Variants in REEP1 observed in about 807,000 individuals in gnomAD.
REEP1 encodes the protein receptor expression-enhancing protein 1.
REEP1 carries 22 observed loss-of-function variants against 40.3 expected under a neutral mutation model. The ratio of observed to expected loss-of-function variants is 0.55; its 90% CI spans 0.39 to 0.78. The LOEUF (loss-of-function observed/expected upper bound fraction) is 0.78, where lower values mean the gene tolerates loss of function less well. Among genes scored for constraint, REEP1 ranks in the 30% least tolerant of loss-of-function variants. REEP1 has a pLI of 0.00. For synonymous variants in REEP1, 116 were observed against 139.2 expected (o/e 0.83, Z 1.17); for missense variants, 280 against 361.1 (o/e 0.78, Z 1.82).
chr2:86,318,238 C>T (rs1307679673), intron 1 of REEP1, among the ~76,000 whole-genome samples: 1 of 152,060 alleles, frequency 6.6e-6, no homozygotes, highest in African/African-American at 2.4e-5. Flanking sequence ...CAGAAAAGAT[C>T]CACTCAAACT....
At chr2:86,234,096 G>A (rs1047027816) in intron 5 of REEP1, among the ~76,000 whole-genome samples, 2 of 151,872 alleles carry the variant, frequency 1.3e-5, no homozygotes, top group Non-Finnish European at 2.9e-5. Context: ...AAAAAATAAT[G>A]AAAATGAACC....
intron 2 of REEP1, among the ~76,000 whole-genome samples, chr2:86,266,030 G>A (rs1267764763): frequency 6.6e-6 from 1 of 152,188 alleles, no homozygotes; most frequent in Non-Finnish European, 1.5e-5. Context: ...CTACACGTGA[G>A]GGAATAGGAA....
intron 6 of REEP1, among the ~76,000 whole-genome samples, chr2:86,229,450 A>G (rs1016503937): frequency 6.6e-6 from 1 of 151,910 alleles, no homozygotes; most frequent in Non-Finnish European, 1.5e-5. Context: ...AGCTGGGGAG[A>G]GTACACCAGC....
rs754038924 is a variant in REEP1, at chr2:86,282,252, A to G, written c.33-10T>C. 1.3e-6 allele frequency: 2 copies of G among 1,582,870 alleles called. 1 individual carries two copies. The highest frequency in any genetic ancestry group is 2.2e-5 in the South Asian group (2 of 90,448). ...GGTGCCAAATATAAGCCTGGAGGGA[A>G]GAGAGACAAAAATAAATACGATTTT... On this transcript the variant is annotated splice_polypyrimidine_tract_variant and intron_variant, in intron 1 of 8. Transcript: ENST00000538924.
chr2:86,311,467 C>T (rs1480247676), intron 1 of REEP1, among the ~76,000 whole-genome samples: 4 of 152,166 alleles, frequency 2.6e-5, no homozygotes, highest in Admixed American at 6.5e-5. Flanking sequence ...ATGAGGGCCA[C>T]GTTCCCTCTG....
intron 5 of REEP1, 184 bp downstream of exon 5, chr2:86,251,773 T>TG (rs1247209536): frequency 6.0e-6 from 4 of 662,490 alleles, no homozygotes; most frequent in African/African-American, 3.6e-5. Flanking sequence ...GCATGTGTGT[T>TG]GGGGGGTGAG....
chr2:86,219,875 G>T, intron 8 of REEP1, 95 bp downstream of exon 8: 3 of 973,448 alleles, frequency 3.1e-6, no homozygotes, highest in Non-Finnish European at 4.0e-6. Context: ...AGGAGATGTT[G>T]GTGCCCCAAG....
At position 86,323,111 on chromosome 2, in the gene REEP1, G is replaced by T. The variant is rs546688458; in HGVS notation, c.32+14368C>A. 3.3e-5 allele frequency among the ~76,000 whole-genome samples: 5 copies of T among 152,110 alleles called. No homozygotes were observed. The South Asian group carries it at 6.2e-4, about 19-fold the overall frequency. ...TACTTGGGAGGCTGAGCCAGGGCAGGAGAACCTCTTGCACCCAGGAGGTCA... is the reference window on the plus strand; with the variant it reads ...TACTTGGGAGGCTGAGCCAGGGCAGTAGAACCTCTTGCACCCAGGAGGTCA... On this transcript the variant is annotated intron_variant, in intron 1 of 8. Coordinates refer to ENST00000538924, the MANE Select transcript of REEP1 (RefSeq NM_001371279.1).
In REEP1 at chr2:86,337,331, C is replaced by T; in HGVS notation, c.32+148G>A. ...CGCCGCCCGTCCGCCCGCAGGCGTC[C>T]TCGGCGGCTACTGTACCTGCTAAAT... On this transcript the variant is annotated intron_variant, in intron 1 of 8. Coordinates refer to ENST00000538924, the MANE Select transcript of REEP1 (RefSeq NM_001371279.1). The surrounding 1 kb of genome is among the most constrained non-coding windows in gnomAD (Gnocchi z 5.8). 9.1e-6 allele frequency: 4 copies of T among 441,822 alleles called. No homozygotes were observed. Among genetic ancestry groups the T allele is most frequent in the Non-Finnish European group, 1.4e-5 (4 of 287,326 alleles). 27.4% of individuals were successfully genotyped at this position (441,822 alleles called of 1,614,324 possible).
chr2:86,337,382 C>G lies in REEP1; in HGVS notation c.32+97G>C, dbSNP rs1681098741. The G allele has an allele frequency of 2.5e-6, 2 of 788,126 alleles. No homozygotes were observed. The highest frequency in any genetic ancestry group is 3.4e-6 in the Non-Finnish European group (2 of 596,154). 48.8% of individuals were successfully genotyped at this position (788,126 alleles called of 1,614,324 possible). ...TTAGCTGCGCCGGGTATTAATAGCCCGAGCCACTGGGACCGGGCGCTGTAG... is the reference window on the plus strand; with the variant it reads ...TTAGCTGCGCCGGGTATTAATAGCCGGAGCCACTGGGACCGGGCGCTGTAG... On this transcript the variant is annotated intron_variant, in intron 1 of 8. Coordinates refer to ENST00000538924, the MANE Select transcript of REEP1 (RefSeq NM_001371279.1). This position sits in a 1 kb window ranked among gnomAD's most constrained non-coding sequence, Gnocchi z 5.8.
intron 7 of REEP1, among the ~76,000 whole-genome samples, chr2:86,225,564 C>T (rs1674638006): frequency 6.6e-6 from 1 of 152,224 alleles, no homozygotes; most frequent in Non-Finnish European, 1.5e-5. Context: ...AGCCACTGCG[C>T]CTGTCCTAAT....
chr2:86,241,911 G>A lies in REEP1; in HGVS notation c.418-9109C>T, dbSNP rs549290561. On this transcript the variant is annotated intron_variant, in intron 5 of 8. Coordinates refer to ENST00000538924, the MANE Select transcript of REEP1 (RefSeq NM_001371279.1). The stretch of plus-strand genomic sequence containing the variant: ...TGGGGAACCCTGAGCCCAGGGGAGC[G>A]TGGCTTGCGCAGGAAGACACAGCAC... Among the ~76,000 whole-genome samples, 20 of 152,276 alleles carry A rather than the reference G, an allele frequency of 1.3e-4. No homozygotes were observed. In the South Asian group the frequency reaches 3.3e-3, roughly 25 times the overall value.
intron 8 of REEP1, among the ~76,000 whole-genome samples, chr2:86,217,666 A>ATTTTTTTTTTTTTTTTTT (rs10668934): frequency 2.9e-4 from 33 of 112,888 alleles, no homozygotes; most frequent in African/African-American, 9.6e-4. Context: ...GGGATTTCAG[A>ATTTTTTTTTTTTTTTTTT]TTTTTTTTTT....
At chr2:86,293,934 T>C (rs1488560123) in intron 1 of REEP1, among the ~76,000 whole-genome samples, 1 of 152,216 alleles carries the variant, frequency 6.6e-6, no homozygotes, top group Non-Finnish European at 1.5e-5. Flanking sequence ...ATAATGAATA[T>C]TATTCATCCT....
At chr2:86,246,501 C>A (rs1470505626) in intron 5 of REEP1, among the ~76,000 whole-genome samples, 2 of 152,124 alleles carry the variant, frequency 1.3e-5, no homozygotes, top group Non-Finnish European at 2.9e-5. Flanking sequence ...GGAACTAAAA[C>A]ATTATTTTTC....
intron 6 of REEP1, among the ~76,000 whole-genome samples, chr2:86,231,445 A>C (rs986662538): frequency 1.3e-5 from 2 of 152,188 alleles, no homozygotes. Flanking sequence ...CTTGGCTCTG[A>C]GCATGAGTTG....
chr2:86,313,967 ACAAG>A (rs1679875584), intron 1 of REEP1, among the ~76,000 whole-genome samples: 1 of 152,192 alleles, frequency 6.6e-6, no homozygotes, highest in Non-Finnish European at 1.5e-5. Context: ...CACAAGCTAA[ACAAG>A]CAACATGCAG....
intron 2 of REEP1, among the ~76,000 whole-genome samples, chr2:86,270,796 G>C (rs1574062709): frequency 6.6e-6 from 1 of 152,086 alleles, no homozygotes; most frequent in Middle Eastern, 3.4e-3. Flanking sequence ...GACTGCATCA[G>C]GCAGTCTAAC....
intron 1 of REEP1, among the ~76,000 whole-genome samples, chr2:86,334,085 G>A (rs1680896390): frequency 6.6e-6 from 1 of 152,224 alleles, no homozygotes; most frequent in Admixed American, 6.5e-5. Flanking sequence ...TTCACTCAGT[G>A]CATTCAGGTG....
Sources: gnomAD v4.1 joint callset for allele counts (sites outside exome capture counted in the v4.1 genomes callset) on GRCh38, gnomAD v4.1.1 for gene constraint, Gnocchi (gnomAD v3.1) non-coding constraint, MANE v1.5 for transcripts, NCBI Gene and HGNC (gene_info 2026-07-23, HGNC 2026-07-21) for gene names.